The following USP34 variants were observed in gnomAD, a reference collection of about 807,000 sequenced individuals.
The protein encoded by USP34 is ubiquitin specific peptidase 34, also known as ubiquitin carboxyl-terminal hydrolase 34.
Under a neutral mutation model 460.3 loss-of-function variants are expected in USP34, and 70 were observed. That is an observed-to-expected ratio of 0.15 (90% confidence interval 0.13 to 0.19). The LOEUF (loss-of-function observed/expected upper bound fraction) is 0.19, where lower values mean the gene tolerates loss of function less well. Ranked by LOEUF, USP34 falls within the 10% of genes least tolerant of loss-of-function variation. The pLI is 1.00. For missense variants in USP34, 3,985 were observed against 4,236.2 expected (o/e 0.94, Z 1.65); for synonymous variants, 1,647 against 1,405.3 (o/e 1.17, Z -3.85).
intron 10 of USP34, among the ~76,000 whole-genome samples, chr2:61,357,961 C>T (rs542020360): frequency 1.3e-4 from 20 of 152,228 alleles, no homozygotes; most frequent in Non-Finnish European, 2.5e-4. Context: ...GAGGCCAAGG[C>T]AGGTGGATCA....
chr2:61,457,344 C>T (rs1034845569), intron 1 of USP34, among the ~76,000 whole-genome samples: 4 of 152,058 alleles, frequency 2.6e-5, no homozygotes, highest in South Asian at 4.1e-4. Context: ...CCAAGGAAGC[C>T]CAGCAAGCCA....
intron 33 of USP34, among the ~76,000 whole-genome samples, chr2:61,292,293 A>G (rs1384837889): frequency 1.3e-5 from 2 of 152,188 alleles, no homozygotes. Context: ...AGTATTTCAT[A>G]ATATTAAGAG....
At position 61,188,098 on chromosome 2, in the gene USP34, A is replaced by C. The variant is rs762877050; in HGVS notation, c.*4T>G. On this transcript the variant is annotated 3_prime_UTR_variant, in exon 80 of 80. Transcript: ENST00000398571. ...ACTTAAAAGTAGACATGCTACACCTAATGTCAAGAAGCAGCTTGGTTTCCT... is the reference window on the plus strand; with the variant it reads ...ACTTAAAAGTAGACATGCTACACCTCATGTCAAGAAGCAGCTTGGTTTCCT... The C allele has an allele frequency of 5.0e-6, 8 of 1,610,146 alleles. No individual in the cohort carries two copies. Among genetic ancestry groups the C allele is most frequent in the Middle Eastern group, 1.7e-4 (1 of 6,028 alleles).
At chr2:61,332,536 A>G (rs1691302473) in intron 19 of USP34, among the ~76,000 whole-genome samples, 1 of 152,030 alleles carries the variant, frequency 6.6e-6, no homozygotes, top group Non-Finnish European at 1.5e-5. Context: ...TCTATACAAG[A>G]AAGTTACTCC....
In USP34 at chr2:61,288,773, A is replaced by G; in HGVS notation, c.4653T>C (p.Gly1551=). ...TTCTTTTCCTATGGCTTTCCGCTAT[A>G]CCAGACCAGGCAAAGACATCATGAT... ...LAYHDVFAWS[G]IAESHRKRTW... is the part of the protein sequence containing the mutation. Residue 1551 remains glycine, a synonymous_variant, in exon 34 of 80, where the codon GGT becomes GGC. Coordinates refer to ENST00000398571, the MANE Select transcript of USP34 (RefSeq NM_014709.4). 1 of 1,614,048 alleles carries G rather than the reference A, an allele frequency of 6.2e-7. No individual in the cohort carries two copies. Among genetic ancestry groups the G allele is most frequent in the Non-Finnish European group, 8.5e-7 (1 of 1,179,970 alleles).
intron 15 of USP34, among the ~76,000 whole-genome samples, chr2:61,346,697 T>C (rs1314307331): frequency 7.1e-5 from 6 of 84,590 alleles, no homozygotes; most frequent in Non-Finnish European, 1.4e-4. Flanking sequence ...GGGTGGGGGG[T>C]GGGGGGCACC....
rs749427126 is a variant in USP34 at position 61,348,160 on chromosome 2, A to G, written c.1995T>C (p.Asn665=). 6.2e-6 allele frequency: 10 copies of G among 1,614,018 alleles called. No individual in the cohort carries two copies. The highest frequency in any genetic ancestry group is 5.0e-5 in the Admixed American group (3 of 60,010). ...LGDSQGMSER[N]GTSSGTGKDL... is the part of the protein sequence containing the mutation. ...CCTTTCCTGTTCCGCTGCTTGTCCC[A>G]TTTCTTTCTGACATGCCTTGGGAGT... The change falls in exon 15 of 80, where the codon AAT becomes AAC. Residue 665 remains asparagine, a synonymous_variant. Coordinates refer to ENST00000398571, the MANE Select transcript of USP34 (RefSeq NM_014709.4).
chr2:61,278,800 G>A (rs900283964), intron 39 of USP34, among the ~76,000 whole-genome samples: 2 of 151,482 alleles, frequency 1.3e-5, no homozygotes, highest in African/African-American at 2.4e-5. Context: ...AAAAGTCATA[G>A]TAATCTATTA....
At chr2:61,266,219 C>T (rs1689040294) in intron 41 of USP34, 52 bp from the exon 42 acceptor site, 1 of 1,506,744 alleles carries the variant, frequency 6.6e-7, no homozygotes, top group South Asian at 1.2e-5. Flanking sequence ...AATTACATTC[C>T]AAATATAGTT....
At chr2:61,324,130 A>G (rs1691012578) in intron 21 of USP34, among the ~76,000 whole-genome samples, 1 of 152,218 alleles carries the variant, frequency 6.6e-6, no homozygotes, top group Non-Finnish European at 1.5e-5. Context: ...TTTGACATTG[A>G]CACACAGAAA....
At chr2:61,208,716 A>C in intron 70 of USP34, 183 bp downstream of exon 70, 1 of 359,270 alleles carries the variant, frequency 2.8e-6, no homozygotes, top group East Asian at 4.1e-5. Context: ...AAAAAGGAAC[A>C]GCACCCTAAA....
At chr2:61,400,917 C>T (rs992837080) in intron 3 of USP34, among the ~76,000 whole-genome samples, 1 of 151,784 alleles carries the variant, frequency 6.6e-6, no homozygotes, top group African/African-American at 2.4e-5. Flanking sequence ...TTTGGGAGGC[C>T]GAGACAGGCA....
intron 1 of USP34, among the ~76,000 whole-genome samples, chr2:61,449,230 C>T (rs1695202728): frequency 1.4e-5 from 2 of 146,456 alleles, no homozygotes; most frequent in South Asian, 4.4e-4. Context: ...GTACTGCAGC[C>T]TGGATGACAG....
rs554638530 is a variant in USP34 at position 61,450,269 on chromosome 2, G to A, written c.43+20381C>T. Among the ~76,000 whole-genome samples the A allele has an allele frequency of 1.6e-3, 240 of 152,224 alleles. 1 individual carries two copies. Among genetic ancestry groups the A allele is most frequent in the African/African-American group, 5.3e-3 (222 of 41,526 alleles). ...AAGAATGCATATTGGTTGTTGCTTC[G>A]TGCTACTGAAATGGGAAGTAGCTTA... On this transcript the variant is annotated intron_variant, in intron 1 of 79. Coordinates refer to ENST00000398571, the MANE Select transcript of USP34 (RefSeq NM_014709.4).
chr2:61,469,061 G>T (rs536742439), intron 1 of USP34, among the ~76,000 whole-genome samples: 48 of 152,174 alleles, frequency 3.2e-4, no homozygotes, highest in African/African-American at 1.0e-3. Flanking sequence ...ACAAAAATCA[G>T]CCGGGCATGG....
chr2:61,434,434 T>C (rs201634374), intron 1 of USP34, among the ~76,000 whole-genome samples: 57 of 152,280 alleles, frequency 3.7e-4, no homozygotes, highest in Admixed American at 7.2e-4. Flanking sequence ...ACCAAGCCAA[T>C]TGAGCAACCA....
intron 33 of USP34, among the ~76,000 whole-genome samples, chr2:61,292,944 A>C (rs1005231067): frequency 6.6e-6 from 1 of 152,134 alleles, no homozygotes; most frequent in Non-Finnish European, 1.5e-5. Context: ...GTTGAGGACC[A>C]ATACTTTTGT....
At chr2:61,234,804 T>TA (rs1688016027) in intron 57 of USP34, among the ~76,000 whole-genome samples, 1 of 152,022 alleles carries the variant, frequency 6.6e-6, no homozygotes, top group Non-Finnish European at 1.5e-5. Flanking sequence ...CATGACCAGT[T>TA]AATTTTATTT....
At chr2:61,325,346 T>A (rs1427262092) in intron 21 of USP34, 29 bp downstream of exon 21, 5 of 1,447,108 alleles carry the variant, frequency 3.5e-6, no homozygotes, top group Non-Finnish European at 4.7e-6. Context: ...CAAAACAGAT[T>A]TTTAAAAAGT....
Sources: allele counts gnomAD v4.1 joint callset (sites outside exome capture counted in the v4.1 genomes callset), GRCh38; gene constraint gnomAD v4.1.1; transcripts MANE v1.5; gene names NCBI Gene and HGNC (gene_info 2026-07-23, HGNC 2026-07-21).